MMP16: variants seen among roughly 807,000 people sequenced by gnomAD.
MMP16 encodes the protein matrix metallopeptidase 16.
A neutral mutation model predicts 67.8 loss-of-function variants in MMP16; 12 were observed. The observed-to-expected ratio is 0.18, with a 90% CI of 0.11 to 0.29. The LOEUF (loss-of-function observed/expected upper bound fraction) is 0.29. MMP16 is among the 10% of genes least tolerant of loss of function. The pLI is 1.00. For synonymous variants in MMP16, 249 were observed against 255.9 expected, an observed-to-expected ratio of 0.97 and a Z score of 0.26; for missense variants, 475 against 765.7, an observed-to-expected ratio of 0.62 and a Z score of 4.48.
intron 4 of MMP16, among the ~76,000 whole-genome samples, chr8:88,153,353 T>G (rs1459944429): frequency 6.6e-6 from 1 of 151,916 alleles, no homozygotes; most frequent in African/African-American, 2.4e-5. Flanking sequence ...TTCACAGAAT[T>G]GGAAAAAACT....
At chr8:88,185,230 G>A (rs1338849047) in intron 3 of MMP16, among the ~76,000 whole-genome samples, 1 of 152,082 alleles carries the variant, frequency 6.6e-6, no homozygotes, top group African/African-American at 2.4e-5. Context: ...AGGCTGAAGA[G>A]GGCAGATCAC....
intron 7 of MMP16, among the ~76,000 whole-genome samples, chr8:88,067,470 T>A (rs886140861): frequency 2.2e-4 from 34 of 152,128 alleles, no homozygotes; most frequent in African/African-American, 8.0e-4. Context: ...TCAATAAATT[T>A]AATGTGTATA....
At chr8:88,123,478 G>C (rs1807875397) in intron 4 of MMP16, among the ~76,000 whole-genome samples, 1 of 151,656 alleles carries the variant, frequency 6.6e-6, no homozygotes, top group Admixed American at 6.6e-5. Context: ...GCACTTCGCT[G>C]AAAAGAGGGC....
chr8:88,265,536 T>G (rs1246000808), intron 1 of MMP16, among the ~76,000 whole-genome samples: 1 of 152,032 alleles, frequency 6.6e-6, no homozygotes. Context: ...TAGTAAAATA[T>G]GGGTAAAGTT....
intron 1 of MMP16, among the ~76,000 whole-genome samples, chr8:88,221,537 G>A (rs1333613450): frequency 4.0e-5 from 6 of 151,760 alleles, no homozygotes; most frequent in African/African-American, 9.7e-5. Context: ...AAACAAAATC[G>A]TTACAAATAA....
chr8:88,059,786 G>C (rs1808374426), intron 7 of MMP16, among the ~76,000 whole-genome samples: 1 of 151,898 alleles, frequency 6.6e-6, no homozygotes, highest in South Asian at 2.1e-4. Context: ...GCAGAGATAA[G>C]CAGAACCATC....
intron 6 of MMP16, among the ~76,000 whole-genome samples, chr8:88,091,884 T>C (rs1423588354): frequency 2.6e-5 from 4 of 151,850 alleles, no homozygotes; most frequent in Admixed American, 6.6e-5. Context: ...GTGGCTATCA[T>C]ACTGGGTAGC....
chr8:88,065,717 A>G (rs1808455367), intron 7 of MMP16, among the ~76,000 whole-genome samples: 1 of 152,118 alleles, frequency 6.6e-6, no homozygotes, highest in Non-Finnish European at 1.5e-5. Flanking sequence ...GTAAGAAACA[A>G]TGTATTTCGA....
chr8:88,045,750 C>T lies in MMP16; in HGVS notation c.1489+919G>A, dbSNP rs142158414. On this transcript the variant is annotated intron_variant, in intron 9 of 9. Transcript: ENST00000286614. ...TCCCCTGACTCTTTCATTAACCTTG[C>T]TTTCTCTTCCCTGCCCCTAGATGCA... Among the ~76,000 whole-genome samples the T allele has an allele frequency of 3.4e-3, 513 of 152,204 alleles. 5 individuals carry two copies. Among genetic ancestry groups the T allele is most frequent in the African/African-American group, 0.011 (476 of 41,532 alleles).
chr8:88,239,294 CAA>C (rs34599512), intron 1 of MMP16, among the ~76,000 whole-genome samples: 10 of 80,538 alleles, frequency 1.2e-4, no homozygotes, highest in African/African-American at 4.3e-4. Flanking sequence ...GACGCAGTCT[CAA>C]AAAAAAAAAA....
intron 8 of MMP16, among the ~76,000 whole-genome samples, chr8:88,049,059 A>G (rs145639896): frequency 1.6e-3 from 248 of 152,298 alleles, no homozygotes; most frequent in Non-Finnish European, 2.7e-3. Context: ...CTAAGAAGTA[A>G]TGCCCAAAGA....
chr8:88,285,116 TTTTG>T (rs947283903), intron 1 of MMP16, among the ~76,000 whole-genome samples: 4 of 152,058 alleles, frequency 2.6e-5, no homozygotes, highest in African/African-American at 9.7e-5. Flanking sequence ...AAGAACAGTT[TTTTG>T]TTTATTTGTT....
At chr8:88,209,603 T>C (rs2129814155) in intron 1 of MMP16, among the ~76,000 whole-genome samples, 1 of 55,066 alleles carries the variant, frequency 1.8e-5, no homozygotes, top group Non-Finnish European at 4.0e-5. Flanking sequence ...TTTATTATTC[T>C]ACTCTCTCTA....
chr8:88,293,148 T>C (rs1307227405), intron 1 of MMP16, among the ~76,000 whole-genome samples: 1 of 152,186 alleles, frequency 6.6e-6, no homozygotes, highest in African/African-American at 2.4e-5. Context: ...TGAGTACATC[T>C]TGATTATTTT....
intron 1 of MMP16, among the ~76,000 whole-genome samples, chr8:88,237,306 C>A (rs1410442663): frequency 6.6e-6 from 1 of 152,164 alleles, no homozygotes; most frequent in East Asian, 1.9e-4. Flanking sequence ...CACAGCTAGG[C>A]TTAAGTAACA....
intron 1 of MMP16, among the ~76,000 whole-genome samples, chr8:88,261,156 C>T (rs62524505): frequency 0.014 from 2,152 of 152,214 alleles, 24 homozygotes; most frequent in Non-Finnish European, 0.024. Context: ...CATACTGATT[C>T]TAATTTAATC....
intron 1 of MMP16, among the ~76,000 whole-genome samples, chr8:88,269,885 C>G (rs1810538448): frequency 6.6e-6 from 1 of 152,204 alleles, no homozygotes; most frequent in Non-Finnish European, 1.5e-5. Flanking sequence ...ATAAGCCATT[C>G]TTTTAAATGC....
chr8:88,268,991 G>C (rs948394194), intron 1 of MMP16, among the ~76,000 whole-genome samples: 6 of 152,046 alleles, frequency 3.9e-5, no homozygotes, highest in African/African-American at 1.4e-4. Context: ...GGAGGATCTA[G>C]GCAGGATTCC....
At chr8:88,050,015 A>T (rs748125213) in intron 8 of MMP16, among the ~76,000 whole-genome samples, 5 of 151,956 alleles carry the variant, frequency 3.3e-5, no homozygotes, top group Non-Finnish European at 7.4e-5. Flanking sequence ...ACAGAATGAG[A>T]CCTTGTCACA....
Sources: allele counts gnomAD v4.1 joint callset (sites outside exome capture counted in the v4.1 genomes callset), GRCh38; gene constraint gnomAD v4.1.1; transcripts MANE v1.5; gene names NCBI Gene and HGNC (gene_info 2026-07-23, HGNC 2026-07-21).